ANKMY1: variants seen among roughly 807,000 people sequenced by gnomAD.
ANKMY1 encodes ankyrin repeat and MYND domain containing 1.
In ANKMY1, 98 loss-of-function variants were observed where a neutral mutation model predicts 102.0. That is an observed-to-expected ratio of 0.96 (90% CI 0.82 to 1.14). The LOEUF is 1.14. ANKMY1 is among the 50% of genes most tolerant of loss of function. The probability of loss-of-function intolerance (pLI) is 0.00; values close to 1 mark genes in which losing one functional copy is unlikely to be tolerated. For synonymous variants in ANKMY1, 582 were observed against 559.9 expected (o/e 1.04, Z -0.56); for missense variants, 1,330 against 1,347.6 (o/e 0.99, Z 0.20).
At chr2:240,504,816 G>A (rs892992750) in intron 13 of ANKMY1, among the ~76,000 whole-genome samples, 1 of 152,016 alleles carries the variant, frequency 6.6e-6, no homozygotes, top group South Asian at 2.1e-4. Context: ...AGACCAGCCT[G>A]GCCAACATGG....
At chr2:240,485,142 CACAGTGAA>C (rs1308678484) in intron 15 of ANKMY1, among the ~76,000 whole-genome samples, 3 of 152,052 alleles carry the variant, frequency 2.0e-5, no homozygotes, top group Non-Finnish European at 4.4e-5. Flanking sequence ...TCCTGGCTAA[CACAGTGAA>C]ACCCCGTCTC....
chr2:240,482,913 AGT>A (rs1372482395), intron 15 of ANKMY1, among the ~76,000 whole-genome samples: 2 of 152,016 alleles, frequency 1.3e-5, no homozygotes, highest in African/African-American at 4.8e-5. Context: ...ATTATTGTTG[AGT>A]TATCTGTTTC....
At chr2:240,515,780 C>T (rs988696394) in intron 9 of ANKMY1, among the ~76,000 whole-genome samples, 10 of 151,940 alleles carry the variant, frequency 6.6e-5, no homozygotes, top group East Asian at 1.9e-4. Flanking sequence ...TGCAGTGGCG[C>T]GATCTCGACT....
chr2:240,526,790 G>A, intron 5 of ANKMY1: 1 of 1,235,176 alleles, frequency 8.1e-7, no homozygotes, highest in African/African-American at 1.5e-5. Flanking sequence ...GTAGGATGGA[G>A]ACCAACATAC....
At chr2:240,472,767 G>C in the ANKMY1 span, among the ~76,000 whole-genome samples, 2 of 152,144 alleles carry the variant, frequency 1.3e-5, no homozygotes, top group Non-Finnish European at 2.9e-5. Context: ...GGCTGAAAGA[G>C]GTGTTTGCTG....
chr2:240,538,967 T>C (rs1355926367), intron 4 of ANKMY1, among the ~76,000 whole-genome samples: 1 of 152,186 alleles, frequency 6.6e-6, no homozygotes, highest in Non-Finnish European at 1.5e-5. Context: ...GCACTCTGTG[T>C]CTTGCTCAGG....
At chr2:240,474,980 G>T (rs990519170), downstream of ANKMY1, among the ~76,000 whole-genome samples, 1 of 152,206 alleles carries the variant, frequency 6.6e-6, no homozygotes, top group Non-Finnish European at 1.5e-5. Context: ...TCTGTTTTTA[G>T]CTCTTTGAGG....
At chr2:240,522,285 C>T (rs2152339418) in intron 8 of ANKMY1, 1 of 152,362 alleles carries the variant, frequency 6.6e-6, no homozygotes, top group East Asian at 1.9e-4. Context: ...CTTCACCTCT[C>T]AATAATGCTC....
downstream of ANKMY1, among the ~76,000 whole-genome samples, chr2:240,475,978 T>C (rs1370492566): frequency 1.3e-5 from 2 of 152,196 alleles, no homozygotes; most frequent in Non-Finnish European, 2.9e-5. Flanking sequence ...TGGCATTTTT[T>C]TTTACAGAAA....
chr2:240,560,514 C>A (rs1441623771), upstream of ANKMY1: 2 of 1,058,452 alleles, frequency 1.9e-6, no homozygotes, highest in Non-Finnish European at 2.5e-6. Flanking sequence ...CCCCCTGTCC[C>A]GGCCCAGCGC....
Position 240,557,852 on chromosome 2 carries a change from C to T in ANKMY1, c.-18+29G>A, listed in dbSNP as rs181724681. 7.0e-5 allele frequency: 69 copies of T among 983,620 alleles called. 1 individual carries two copies. The East Asian group carries it at 5.2e-3, about 75-fold the overall frequency. 60.9% of individuals were successfully genotyped at this position (983,620 alleles called of 1,614,324 possible). The stretch of plus-strand genomic sequence containing the variant: ...AGCTCCGGGATCCCCCTAGCCCCGG[C>T]TCCCAGCGCTCCTGTCGCGAGACCG... On this transcript the variant is annotated intron_variant, in intron 1 of 17. Transcript: ENST00000401804.
chr2:240,560,945 C>T, upstream of ANKMY1: 1 of 1,531,762 alleles, frequency 6.5e-7, no homozygotes, highest in Admixed American at 2.0e-5. Flanking sequence ...CCACGTGCGC[C>T]GCCATGGAGG....
At chr2:240,470,798 G>T in the ANKMY1 span, among the ~76,000 whole-genome samples, 1 of 152,316 alleles carries the variant, frequency 6.6e-6, no homozygotes, top group South Asian at 2.1e-4. Context: ...TCACAGACAC[G>T]TTGAAATTCT....
In ANKMY1 at chr2:240,512,909, C is replaced by A. The variant is rs777607206; in HGVS notation, c.2038G>T (p.Ala680Ser). Residue 680 changes from alanine to serine, a missense_variant, in exon 10 of 18, where the codon GCC becomes TCC. Coordinates refer to ENST00000401804, the MANE Select transcript of ANKMY1 (RefSeq NM_001282771.3). The part of the protein sequence containing the change: ...STLTPLHIAA[A>S]LPGEEGVQIV... ...TGTACCCCCTCCTCCCCAGGAAGGG[C>A]GGCAGCGATGTGGAGTGGTGTCAGG... is the stretch of plus-strand genomic sequence containing the variant. The A allele has an allele frequency of 6.2e-7, 1 of 1,613,944 alleles. No homozygotes were observed. The highest frequency in any genetic ancestry group is 8.5e-7 in the Non-Finnish European group (1 of 1,179,960).
intron 2 of ANKMY1, 149 bp downstream of exon 2, chr2:240,557,041 C>T: frequency 1.1e-6 from 1 of 888,520 alleles, no homozygotes; most frequent in Non-Finnish European, 1.5e-6. Context: ...GTTGCTGACA[C>T]AGTGTTGAGG....
In ANKMY1 at chr2:240,506,097, G is replaced by C. The variant is rs1029479345; in HGVS notation, c.2526+1463C>G. On this transcript the variant is annotated intron_variant, in intron 13 of 17. Coordinates refer to ENST00000401804, the MANE Select transcript of ANKMY1 (RefSeq NM_001282771.3). This position sits in a 1 kb window ranked among gnomAD's most constrained non-coding sequence, Gnocchi z 4.9. ...CCCCCTAACCCTGGACGAGGTGCTG[G>C]GGAGCCCCCAACCCTGGACAAGTCG... Among the ~76,000 whole-genome samples the C allele has an allele frequency of 1.3e-5, 2 of 151,456 alleles. No individual in the cohort carries two copies. The highest frequency in any genetic ancestry group is 6.6e-5 in the Admixed American group (1 of 15,196).
chr2:240,555,228 A>G (rs1180849634), intron 2 of ANKMY1, 173 bp from the exon 3 acceptor site: 11 of 675,168 alleles, frequency 1.6e-5, no homozygotes. Flanking sequence ...CAGAGGGTGC[A>G]GCGATTGCCC....
chr2:240,517,205 G>A (rs1575094834), intron 9 of ANKMY1, among the ~76,000 whole-genome samples: 1 of 152,342 alleles, frequency 6.6e-6, no homozygotes, highest in Middle Eastern at 3.4e-3. Context: ...TTCAGAATAA[G>A]CAGATTGCTT....
chr2:240,491,366 C>T (rs773562564), intron 15 of ANKMY1, among the ~76,000 whole-genome samples: 4 of 152,106 alleles, frequency 2.6e-5, no homozygotes, highest in Non-Finnish European at 2.9e-5. Flanking sequence ...ATATGTAAGG[C>T]TTTGTTCCCG....
Sources: gnomAD v4.1 joint callset for allele counts (sites outside exome capture counted in the v4.1 genomes callset) on GRCh38, gnomAD v4.1.1 for gene constraint, Gnocchi (gnomAD v3.1) non-coding constraint, MANE v1.5 for transcripts, NCBI Gene and HGNC (gene_info 2026-07-23, HGNC 2026-07-21) for gene names.